VAV3: variants seen among roughly 807,000 people sequenced by gnomAD.
The protein encoded by VAV3 is guanine nucleotide exchange factor VAV3.
Under a neutral mutation model 131.2 loss-of-function variants are expected in VAV3, and 94 were observed. The ratio of observed to expected loss-of-function variants is 0.72; its 90% CI spans 0.61 to 0.85. The LOEUF is 0.85. VAV3 is among the 40% of genes least tolerant of loss of function. The pLI is 0.00. For missense variants in VAV3, 939 were observed against 1,002.7 expected (o/e 0.94, Z 0.86); for synonymous variants, 349 against 342.0 (o/e 1.02, Z -0.22).
intron 11 of VAV3, among the ~76,000 whole-genome samples, chr1:107,756,038 AC>A (rs1664083528): frequency 6.6e-6 from 1 of 152,174 alleles, no homozygotes; most frequent in African/African-American, 2.4e-5. Context: ...TAAAGAGTTA[AC>A]CCGTTTATGG....
chr1:107,958,069 A>G (rs1674902066), intron 1 of VAV3, among the ~76,000 whole-genome samples: 1 of 152,190 alleles, frequency 6.6e-6, no homozygotes, highest in South Asian at 2.1e-4. Context: ...ACTACTTTAC[A>G]TGAAAAGATC....
At chr1:107,907,099 G>A (rs1672146114) in intron 1 of VAV3, among the ~76,000 whole-genome samples, 1 of 152,146 alleles carries the variant, frequency 6.6e-6, no homozygotes, top group Non-Finnish European at 1.5e-5. Flanking sequence ...CAGAGAAATG[G>A]AAGTAAGCAA....
rs533762657 is a variant in VAV3, at chr1:107,635,106, A to G, written c.1914+7513T>C. Among the ~76,000 whole-genome samples, 480 of 152,162 alleles carry G rather than the reference A, an allele frequency of 3.2e-3. 3 individuals are homozygous for G. The highest frequency in any genetic ancestry group is 0.01 in the African/African-American group (430 of 41,502). On this transcript the variant is annotated intron_variant, in intron 20 of 26. Transcript: ENST00000370056. ...AACTAGAAATACCATTTGACCCAGC[A>G]ATCCCATTACTGGGTATATACCCAA...
chr1:107,802,206 T>C (rs1666859804), intron 2 of VAV3, among the ~76,000 whole-genome samples: 2 of 152,126 alleles, frequency 1.3e-5, no homozygotes, highest in Non-Finnish European at 2.9e-5. Flanking sequence ...TGGTTTTGTA[T>C]GCTGCAACTT....
rs558988286 is a variant in VAV3 at position 107,889,740 on chromosome 1, A to G, written c.205-14723T>C. Among the ~76,000 whole-genome samples, 154 of 152,368 alleles carry G rather than the reference A, an allele frequency of 1.0e-3. 1 individual carries two copies. Among genetic ancestry groups the G allele is most frequent in the Admixed American group, 3.1e-3 (47 of 15,310 alleles). On this transcript the variant is annotated intron_variant, in intron 1 of 26. Transcript: ENST00000370056. ...GAGAGGTGAGAGTCTAGAATGATGT[A>G]GCACAGTCTATTCAGGAAGCTGTAT...
At chr1:107,753,123 G>A (rs1432133559) in intron 12 of VAV3, among the ~76,000 whole-genome samples, 1 of 151,896 alleles carries the variant, frequency 6.6e-6, no homozygotes, top group Non-Finnish European at 1.5e-5. Flanking sequence ...TAAACAAATG[G>A]AAATCAAAAA....
At chr1:107,668,653 T>C (rs1657573900) in intron 19 of VAV3, 2 of 985,408 alleles carry the variant, frequency 2.0e-6, no homozygotes, top group African/African-American at 3.5e-5. Flanking sequence ...CTCATTGTAG[T>C]GAGAGAAAGA....
At chr1:107,589,092 C>T (rs868802375) in intron 25 of VAV3, among the ~76,000 whole-genome samples, 1 of 152,078 alleles carries the variant, frequency 6.6e-6, no homozygotes, top group South Asian at 2.1e-4. Context: ...CCTCTTATAA[C>T]TCCAAGTTAC....
intron 21 of VAV3, among the ~76,000 whole-genome samples, chr1:107,616,488 A>G (rs1231578720): frequency 6.6e-6 from 1 of 152,170 alleles, no homozygotes; most frequent in Non-Finnish European, 1.5e-5. Context: ...ATCAGGTACT[A>G]TGCTTAGAAA....
Position 107,634,557 on chromosome 1 carries a change from T to C in VAV3, c.1914+8062A>G, listed in dbSNP as rs1237094153. On this transcript the variant is annotated intron_variant, in intron 20 of 26. Coordinates refer to ENST00000370056, the MANE Select transcript of VAV3 (RefSeq NM_006113.5). ...TAGGCAATACCATTCAGGACATAGG[T>C]ATGGGCAAGGACTTCATGTCTAAAA... 5.3e-5 allele frequency among the ~76,000 whole-genome samples: 8 copies of C among 151,746 alleles called. No homozygotes were observed. The South Asian group carries it at 8.4e-4, about 16-fold the overall frequency.
At chr1:107,828,871 C>A (rs1004886910) in intron 2 of VAV3, among the ~76,000 whole-genome samples, 1 of 152,188 alleles carries the variant, frequency 6.6e-6, no homozygotes, top group African/African-American at 2.4e-5. Flanking sequence ...GGCCATTATC[C>A]TGTCTACAAA....
chr1:107,730,999 C>T (rs187432403), intron 15 of VAV3, among the ~76,000 whole-genome samples: 1 of 152,128 alleles, frequency 6.6e-6, no homozygotes, highest in Non-Finnish European at 1.5e-5. Flanking sequence ...ACCTTCTTAG[C>T]TACCTCACCA....
rs556102555 is a variant in VAV3 at position 107,634,671 on chromosome 1, C to A, written c.1914+7948G>T. Among the ~76,000 whole-genome samples, 3 of 151,460 alleles carry A rather than the reference C, an allele frequency of 2.0e-5. No homozygotes were observed. The East Asian group carries it at 5.8e-4, about 30-fold the overall frequency. On this transcript the variant is annotated intron_variant, in intron 20 of 26. Coordinates refer to ENST00000370056, the MANE Select transcript of VAV3 (RefSeq NM_006113.5). ...TCTGCACAGCAAAAGAAACTACCAT[C>A]AGAGTGAACAGGCAACCTACAACAT...
intron 25 of VAV3, among the ~76,000 whole-genome samples, chr1:107,580,591 A>G (rs1277819214): frequency 6.6e-6 from 1 of 152,064 alleles, no homozygotes; most frequent in Non-Finnish European, 1.5e-5. Context: ...GATGCTTTCT[A>G]CTTTTCTACA....
chr1:107,613,403 T>A (rs1438276149), intron 21 of VAV3, among the ~76,000 whole-genome samples: 1 of 152,124 alleles, frequency 6.6e-6, no homozygotes, highest in African/African-American at 2.4e-5. Context: ...AACTTCTTAA[T>A]CTCTCTTAAC....
At chr1:107,627,077 G>A (rs972596628) in intron 20 of VAV3, among the ~76,000 whole-genome samples, 12 of 152,164 alleles carry the variant, frequency 7.9e-5, no homozygotes, top group Non-Finnish European at 1.5e-4. Flanking sequence ...GTGCTGGAGG[G>A]AAAGATCTAC....
chr1:107,906,416 G>A (rs1374398592), intron 1 of VAV3, among the ~76,000 whole-genome samples: 1 of 152,150 alleles, frequency 6.6e-6, no homozygotes, highest in East Asian at 1.9e-4. Flanking sequence ...TGTAATCCCA[G>A]CACTTTGGGA....
chr1:107,620,587 C>T (rs892568697), intron 20 of VAV3, among the ~76,000 whole-genome samples: 6 of 152,040 alleles, frequency 3.9e-5, no homozygotes, highest in African/African-American at 1.4e-4. Flanking sequence ...TTAAGTAACT[C>T]ATGACTATAT....
At chr1:107,615,783 A>T (rs1653108266) in intron 21 of VAV3, among the ~76,000 whole-genome samples, 1 of 152,190 alleles carries the variant, frequency 6.6e-6, no homozygotes, top group African/African-American at 2.4e-5. Flanking sequence ...AAAGTGGGCA[A>T]ATAACATGAA....
Sources: gnomAD v4.1 joint callset for allele counts (sites outside exome capture counted in the v4.1 genomes callset) on GRCh38, gnomAD v4.1.1 for gene constraint, MANE v1.5 for transcripts, NCBI Gene and HGNC (gene_info 2026-07-23, HGNC 2026-07-21) for gene names.